Variants in SPECC1L observed in about 807,000 individuals in gnomAD.
The protein encoded by SPECC1L is sperm antigen with calponin homology and coiled-coil domains 1 like, also known as cytospin-A.
A neutral mutation model predicts 116.8 loss-of-function variants in SPECC1L; 40 were observed. The ratio of observed to expected loss-of-function variants is 0.34; its 90% confidence interval spans 0.27 to 0.45. SPECC1L has a LOEUF of 0.45. Ranked by LOEUF, SPECC1L falls within the 20% of genes least tolerant of loss-of-function variation. The pLI, the probability that SPECC1L is intolerant of heterozygous loss-of-function variation, is 1.00. For missense variants in SPECC1L, 1,110 were observed against 1,373.6 expected, an observed-to-expected ratio of 0.81 and a Z score of 3.03; for synonymous variants, 504 against 500.6, an observed-to-expected ratio of 1.01 and a Z score of -0.09.
At chr22:24,331,307 G>A (rs2040932871) in intron 8 of SPECC1L, among the ~76,000 whole-genome samples, 1 of 152,186 alleles carries the variant, frequency 6.6e-6, no homozygotes, top group South Asian at 2.1e-4. Flanking sequence ...TCTTATCATT[G>A]CCTTGCTCTA....
At position 24,314,285 on chromosome 22, in the gene SPECC1L, G is replaced by A. The variant is rs1219778721; in HGVS notation, c.307+819G>A. ...AGGATGGTCTTGATCTCCTGACCTC[G>A]TGATCTGCCCGCCTCGGCCTCCCAA... On this transcript the variant is annotated intron_variant, in intron 4 of 16. Transcript: ENST00000314328. Among the ~76,000 whole-genome samples, 7 of 152,196 alleles carry A rather than the reference G, an allele frequency of 4.6e-5. No homozygotes were observed. In the East Asian group the frequency reaches 9.7e-4, roughly 21 times the overall value.
At position 24,411,615 on chromosome 22, in the gene SPECC1L, A is replaced by T; in HGVS notation, c.3115A>T (p.Ser1039Cys). Residue 1039 changes from serine to cysteine, a missense_variant, in exon 15 of 17, where the codon AGC becomes TGC. Around this residue, in one of 4 missense-constraint regions of SPECC1L, gnomAD observed 76 missense variants for 148.5 expected, o/e 0.51. Coordinates refer to ENST00000314328, the MANE Select transcript of SPECC1L (RefSeq NM_015330.6). ...TATTGACATTACAAACTTCAGCAGC[A>T]GCTGGAATGATGGGCTGGCCTTCTG... The part of the protein sequence containing the change: ...QNIDITNFSS[S>C]WNDGLAFCAL... 1 of 1,614,210 alleles carries T rather than the reference A, an allele frequency of 6.2e-7. No homozygotes were observed. The highest frequency in any genetic ancestry group is 8.5e-7 in the Non-Finnish European group (1 of 1,180,036).
intron 1 of SPECC1L, among the ~76,000 whole-genome samples, chr22:24,276,480 C>A (rs1487827080): frequency 6.6e-6 from 1 of 151,994 alleles, no homozygotes; most frequent in Non-Finnish European, 1.5e-5. Flanking sequence ...CAAGAAATAG[C>A]CATTATGCTG....
At chr22:24,296,209 C>T (rs1008092221) in intron 2 of SPECC1L, among the ~76,000 whole-genome samples, 1 of 152,200 alleles carries the variant, frequency 6.6e-6, no homozygotes, top group Non-Finnish European at 1.5e-5. Context: ...TACTTGCAAT[C>T]TCTGATCCTT....
intron 2 of SPECC1L, among the ~76,000 whole-genome samples, chr22:24,290,819 T>C (rs1430258121): frequency 6.6e-6 from 1 of 152,242 alleles, no homozygotes; most frequent in Non-Finnish European, 1.5e-5. Context: ...TAAGAAAGGT[T>C]ATGTATATGT....
At chr22:24,361,678 C>G (rs943784844) in intron 11 of SPECC1L, among the ~76,000 whole-genome samples, 1 of 151,842 alleles carries the variant, frequency 6.6e-6, no homozygotes. Flanking sequence ...CACCTGTAGT[C>G]CCAGGTACTT....
chr22:24,379,786 C>T (rs924742836), intron 14 of SPECC1L, among the ~76,000 whole-genome samples: 2 of 152,182 alleles, frequency 1.3e-5, no homozygotes, highest in African/African-American at 2.4e-5. Flanking sequence ...TCTGTTCCTT[C>T]CCTTTAGAAG....
At chr22:24,341,967 G>A (rs977531091) in intron 10 of SPECC1L, among the ~76,000 whole-genome samples, 1 of 152,168 alleles carries the variant, frequency 6.6e-6, no homozygotes, top group African/African-American at 2.4e-5. Context: ...CTGACAACCT[G>A]ATTGCCTCCT....
chr22:24,379,582 T>C (rs1320129134), intron 14 of SPECC1L, among the ~76,000 whole-genome samples: 1 of 152,174 alleles, frequency 6.6e-6, no homozygotes, highest in East Asian at 1.9e-4. Flanking sequence ...ATTTACTTGG[T>C]ACTTAAAATG....
At chr22:24,316,731 C>T (rs1242527996) in intron 4 of SPECC1L, among the ~76,000 whole-genome samples, 1 of 149,856 alleles carries the variant, frequency 6.7e-6, no homozygotes, top group Non-Finnish European at 1.5e-5. Context: ...CCCCACCTTT[C>T]CCCCCTTTCT....
chr22:24,297,720 G>C (rs1029247527), intron 2 of SPECC1L, among the ~76,000 whole-genome samples: 2 of 152,168 alleles, frequency 1.3e-5, no homozygotes, highest in Non-Finnish European at 2.9e-5. Context: ...GTTTTAAATT[G>C]TGGACTGTTC....
At position 24,282,220 on chromosome 22, in the gene SPECC1L, G is replaced by A. The variant is rs150694891; in HGVS notation, c.-38+5417G>A. Among the ~76,000 whole-genome samples the A allele has an allele frequency of 2.6e-3, 398 of 152,314 alleles. 2 individuals are homozygous for A. Among genetic ancestry groups the A allele is most frequent in the African/African-American group, 8.9e-3 (370 of 41,558 alleles). ...AAGCACTGATCTCAAGAGCAGTTTA[G>A]GGAGGGTCAGAATCTTTAGCCTTCA... On this transcript the variant is annotated intron_variant, in intron 2 of 16. Coordinates refer to ENST00000314328, the MANE Select transcript of SPECC1L (RefSeq NM_015330.6).
rs1216508593 is a variant in SPECC1L, at chr22:24,322,105, C to T, written c.1125C>T (p.Pro375=). Residue 375 remains proline, a synonymous_variant, in exon 5 of 17, where the codon CCC becomes CCT. Transcript: ENST00000314328. ...CCTCCTCAGAGTCGGAAGGCATCCC[C>T]AGCATAGAGCGCTCCCGGAAGGGGA... ...APSSSESEGI[P]SIERSRKGSS... 1.9e-6 allele frequency: 3 copies of T among 1,614,068 alleles called. No homozygotes were observed. The highest frequency in any genetic ancestry group is 1.7e-5 in the Admixed American group (1 of 60,022).
intron 10 of SPECC1L, 106 bp from the exon 11 acceptor site, chr22:24,346,980 A>G (rs2041309255): frequency 1.1e-6 from 1 of 902,632 alleles, no homozygotes; most frequent in South Asian, 1.4e-5. Flanking sequence ...AGCAGTATGG[A>G]AAGAATTAAT....
chr22:24,271,081 C>T (rs149161616), intron 1 of SPECC1L, 98 bp downstream of exon 1: 5,045 of 152,472 alleles, frequency 0.033, 122 homozygotes, highest in Non-Finnish European at 0.054. Flanking sequence ...CCCGCAGACC[C>T]CGGCAGGCCC....
At position 24,322,325 on chromosome 22, in the gene SPECC1L, T is replaced by C; in HGVS notation, c.1345T>C (p.Leu449=). The change falls in exon 5 of 17, where the codon TTA becomes CTA. Residue 449 remains leucine (L), a synonymous_variant. Coordinates refer to ENST00000314328, the MANE Select transcript of SPECC1L (RefSeq NM_015330.6). ...AGAGAAGGTTATTCTGATGGAGTCTTTATGTCAGCAGAGCGATAAGTTGGA... is the reference window on the plus strand; with the variant it reads ...AGAGAAGGTTATTCTGATGGAGTCTCTATGTCAGCAGAGCGATAAGTTGGA... ...GEEKVILMES[L]CQQSDKLEHF... The C allele has an allele frequency of 6.2e-7, 1 of 1,614,194 alleles. No individual in the cohort carries two copies. Among genetic ancestry groups the C allele is most frequent in the Non-Finnish European group, 8.5e-7 (1 of 1,180,024 alleles).
chr22:24,325,128 T>C (rs2040792395), intron 6 of SPECC1L, among the ~76,000 whole-genome samples: 1 of 152,158 alleles, frequency 6.6e-6, no homozygotes, highest in Admixed American at 6.5e-5. Flanking sequence ...AAAAATTGAG[T>C]TATAATTTGT....
intron 14 of SPECC1L, among the ~76,000 whole-genome samples, chr22:24,384,125 A>T (rs2042116724): frequency 6.6e-6 from 1 of 152,074 alleles, no homozygotes; most frequent in African/African-American, 2.4e-5. Context: ...AGTGTAATGG[A>T]GACAAGGGAC....
In SPECC1L at chr22:24,394,405, G is replaced by A. The variant is rs80220397; in HGVS notation, c.3088-17183G>A. 3.0e-3 allele frequency among the ~76,000 whole-genome samples: 456 copies of A among 152,252 alleles called. 7 individuals are homozygous for A. The highest frequency in any genetic ancestry group is 0.01 in the African/African-American group (427 of 41,558). On this transcript the variant is annotated intron_variant, in intron 14 of 16. Coordinates refer to ENST00000314328, the MANE Select transcript of SPECC1L (RefSeq NM_015330.6). ...TCCCTTTTAAAAGCACACTAATCCCGTTCATGGGGACTCCACCCTCATGAC... is the reference window on the plus strand; with the variant it reads ...TCCCTTTTAAAAGCACACTAATCCCATTCATGGGGACTCCACCCTCATGAC...
Sources: allele counts gnomAD v4.1 joint callset (sites outside exome capture counted in the v4.1 genomes callset), GRCh38; gene constraint gnomAD v4.1.1; regional missense constraint gnomAD v4.1.1; transcripts MANE v1.5; gene names NCBI Gene and HGNC (gene_info 2026-07-23, HGNC 2026-07-21).